The following LEPR variants were observed in gnomAD, a reference collection of about 807,000 sequenced individuals.
LEPR encodes the protein OB receptor.
In LEPR, 56 loss-of-function variants were observed where a neutral mutation model predicts 114.7. The observed-to-expected ratio is 0.49, with a 90% CI of 0.39 to 0.61. The LOEUF is 0.61. LEPR is among the 20% of genes least tolerant of loss of function. LEPR has a pLI of 0.00. For synonymous variants in LEPR, 443 were observed against 461.4 expected (o/e 0.96, Z 0.51); for missense variants, 1,202 against 1,352.9 (o/e 0.89, Z 1.75).
intron 2 of LEPR, among the ~76,000 whole-genome samples, chr1:65,460,502 G>A (rs757824239): frequency 1.3e-5 from 2 of 151,866 alleles, no homozygotes; most frequent in Non-Finnish European, 2.9e-5. Flanking sequence ...CCATGTACTC[G>A]TGCCCCCTAC....
At chr1:65,553,335 A>AAGTTGG (rs1557658811) in intron 2 of LEPR, among the ~76,000 whole-genome samples, 1 of 152,058 alleles carries the variant, frequency 6.6e-6, no homozygotes, top group Non-Finnish European at 1.5e-5. Context: ...TGTTCTCCCC[A>AAGTTGG]TCACTTTCAG....
intron 2 of LEPR, among the ~76,000 whole-genome samples, chr1:65,488,210 T>TTCTTTCTTTCTCTCTC (rs1557620199): frequency 1.9e-4 from 5 of 25,874 alleles, no homozygotes; most frequent in South Asian, 1.5e-3. Flanking sequence ...CTTTCTTTCT[T>TTCTTTCTTTCTCTCTC]TCTCTCTCTC....
At chr1:65,512,756 G>T (rs1338017061) in intron 2 of LEPR, among the ~76,000 whole-genome samples, 2 of 151,990 alleles carry the variant, frequency 1.3e-5, no homozygotes, top group Non-Finnish European at 2.9e-5. Flanking sequence ...AATTAGATGT[G>T]AACTGAAGGA....
intron 2 of LEPR, among the ~76,000 whole-genome samples, chr1:65,462,905 A>G (rs929590836): frequency 6.6e-6 from 1 of 152,178 alleles, no homozygotes; most frequent in Non-Finnish European, 1.5e-5. Context: ...GCCTTTTGTC[A>G]GATGGGTAGA....
chr1:65,490,326 A>G (rs942577461), intron 2 of LEPR, among the ~76,000 whole-genome samples: 1 of 152,158 alleles, frequency 6.6e-6, no homozygotes, highest in African/African-American at 2.4e-5. Flanking sequence ...ATGGCACATT[A>G]CATTTTCTGG....
intron 2 of LEPR, among the ~76,000 whole-genome samples, chr1:65,465,106 A>T (rs1278127509): frequency 1.3e-5 from 2 of 151,916 alleles, no homozygotes; most frequent in African/African-American, 4.8e-5. Context: ...ACTTCTTTTA[A>T]CTGTGATGAT....
chr1:65,513,266 T>C (rs1182773769), intron 2 of LEPR, among the ~76,000 whole-genome samples: 1 of 152,158 alleles, frequency 6.6e-6, no homozygotes, highest in African/African-American at 2.4e-5. Context: ...ACAGTTTCTC[T>C]GCCAAAAGGG....
chr1:65,420,714 G>C lies in LEPR; in HGVS notation c.-123G>C, dbSNP rs776131681. 6.3e-7 allele frequency: 1 copy of C among 1,582,664 alleles called. No individual in the cohort carries two copies. The highest frequency in any genetic ancestry group is 8.6e-7 in the Non-Finnish European group (1 of 1,166,634). On this transcript the variant is annotated 5_prime_UTR_variant, in exon 1 of 20. Coordinates refer to ENST00000349533, the MANE Select transcript of LEPR (RefSeq NM_002303.6). ...GAAGCCGGAAGCAGCCGCGGCCCCA[G>C]TTCGGGAGACATGGCGGGCGTTAAA...
rs10552268 is a variant in LEPR at position 65,637,359 on chromosome 1, A to AAC, written c.*362_*363dup. 0.1 allele frequency: 19,705 copies of AAC among 193,240 alleles called. 1,189 individuals carry two copies. Among genetic ancestry groups the AAC allele is most frequent in the Non-Finnish European group, 0.13 (12,486 of 93,362 alleles). The allele number at this position is 193,240 out of a possible 1,614,324, so 12.0% of individuals were successfully genotyped here. The stretch of plus-strand genomic sequence containing the variant: ...TTACCTCAAGTTTTTGTTTTGTACC[A>AAC]ACACACACACACACACACATTCTTA... On this transcript the variant is annotated 3_prime_UTR_variant, in exon 20 of 20. Transcript: ENST00000349533.
At chr1:65,602,751 C>T (rs1470786135) in intron 10 of LEPR, among the ~76,000 whole-genome samples, 1 of 152,000 alleles carries the variant, frequency 6.6e-6, no homozygotes, top group Non-Finnish European at 1.5e-5. Flanking sequence ...AAAAATAAAT[C>T]CCTTCTCTCA....
chr1:65,452,836 G>A (rs1253047804), intron 2 of LEPR, among the ~76,000 whole-genome samples: 12 of 151,910 alleles, frequency 7.9e-5, no homozygotes, highest in Middle Eastern at 3.2e-3. Context: ...ATTGATTGGA[G>A]TAGTTTCAGA....
intron 1 of LEPR, among the ~76,000 whole-genome samples, chr1:65,422,085 T>C (rs1646262364): frequency 6.6e-6 from 1 of 152,170 alleles, no homozygotes; most frequent in African/African-American, 2.4e-5. Flanking sequence ...TTGGATTTTG[T>C]CCTCCAAAAA....
At chr1:65,557,129 TATTAGGATGTTC>T (rs757541239) in intron 2 of LEPR, among the ~76,000 whole-genome samples, 17 of 152,166 alleles carry the variant, frequency 1.1e-4, no homozygotes, top group South Asian at 6.2e-4. Context: ...ACTCTGGTAT[TATTAGGATGTTC>T]ATGAGGATGT....
chr1:65,604,631 T>C (rs1656688160), intron 10 of LEPR, among the ~76,000 whole-genome samples: 1 of 152,186 alleles, frequency 6.6e-6, no homozygotes, highest in African/African-American at 2.4e-5. Context: ...GCCTGTCTTT[T>C]AAACTTGGGG....
intron 10 of LEPR, among the ~76,000 whole-genome samples, chr1:65,603,544 C>G (rs1013327708): frequency 6.6e-6 from 1 of 152,272 alleles, no homozygotes; most frequent in African/African-American, 2.4e-5. Context: ...AACATTGGCC[C>G]AAGAGGTTAT....
chr1:65,525,347 G>C (rs186171033), intron 2 of LEPR, among the ~76,000 whole-genome samples: 1 of 152,258 alleles, frequency 6.6e-6, no homozygotes, highest in African/African-American at 2.4e-5. Context: ...CGGGGTGGGG[G>C]GGTACTGCCA....
At chr1:65,452,289 G>T (rs1226465068) in intron 2 of LEPR, among the ~76,000 whole-genome samples, 1 of 151,170 alleles carries the variant, frequency 6.6e-6, no homozygotes, top group Admixed American at 6.6e-5. Flanking sequence ...CTGCCTAATT[G>T]CCCTGGCCAG....
chr1:65,514,579 A>G (rs1649192839), intron 2 of LEPR, among the ~76,000 whole-genome samples: 1 of 152,226 alleles, frequency 6.6e-6, no homozygotes, highest in African/African-American at 2.4e-5. Flanking sequence ...TTTGGTGTAT[A>G]GCTCATCATT....
At chr1:65,488,106 T>C (rs1647598096) in intron 2 of LEPR, among the ~76,000 whole-genome samples, 1 of 144,700 alleles carries the variant, frequency 6.9e-6, no homozygotes, top group South Asian at 2.2e-4. Flanking sequence ...CTTCTTTCTT[T>C]CTCTTTCTTT....
Sources: gnomAD v4.1 joint callset for allele counts (sites outside exome capture counted in the v4.1 genomes callset) on GRCh38, gnomAD v4.1.1 for gene constraint, MANE v1.5 for transcripts, NCBI Gene and HGNC (gene_info 2026-07-23, HGNC 2026-07-21) for gene names.